The following ASB3 variants were observed in gnomAD, a reference collection of about 807,000 sequenced individuals.
The protein encoded by ASB3 is ankyrin repeat and SOCS box protein 3.
In ASB3, 41 loss-of-function variants were observed where a neutral mutation model predicts 54.5. The ratio of observed to expected loss-of-function variants is 0.75; its 90% CI spans 0.59 to 0.98. The LOEUF is 0.98. Ranked by LOEUF, ASB3 falls within the 50% of genes least tolerant of loss-of-function variation. ASB3 has a pLI of 0.00. For missense variants in ASB3, 733 were observed against 620.0 expected, an observed-to-expected ratio of 1.18 and a Z score of -1.94; for synonymous variants, 266 against 221.2, an observed-to-expected ratio of 1.20 and a Z score of -1.80.
chr2:53,687,919 G>A (rs1049315203), intron 9 of ASB3, among the ~76,000 whole-genome samples: 3 of 152,124 alleles, frequency 2.0e-5, no homozygotes, highest in African/African-American at 2.4e-5. Context: ...GGGCTCAAGC[G>A]ATCCTCCTGC....
chr2:53,758,707 G>T (rs1236195862), intron 2 of ASB3, among the ~76,000 whole-genome samples: 1 of 152,164 alleles, frequency 6.6e-6, no homozygotes, highest in Non-Finnish European at 1.5e-5. Context: ...AGAGGTCCAT[G>T]GGTAGTTGTA....
intron 3 of ASB3, among the ~76,000 whole-genome samples, chr2:53,739,909 A>G (rs938044360): frequency 3.3e-5 from 5 of 152,172 alleles, no homozygotes; most frequent in East Asian, 3.9e-4. Context: ...CATGGGCTCA[A>G]GTGATCCTCC....
rs1293097317 is a variant in ASB3 at position 53,765,408 on chromosome 2, A to G, written c.165T>C (p.Ser55=). The stretch of plus-strand genomic sequence containing the variant: ...TAATTAACATTTGCAAACATTCTAC[A>G]GAGTTGTGATAAGCTGCTTCATGAA... The part of the protein sequence containing the change: ...MPIHEAAYHN[S]VECLQMLINA... The change falls in exon 2 of 10, where the codon TCT becomes TCC. Residue 55 remains serine (S), a synonymous_variant. Coordinates refer to ENST00000263634, the MANE Select transcript of ASB3 (RefSeq NM_016115.5). 1 of 1,614,252 alleles carries G rather than the reference A, an allele frequency of 6.2e-7. No individual in the cohort carries two copies. The highest frequency in any genetic ancestry group is 1.3e-5 in the African/African-American group (1 of 75,068).
Position 53,692,594 on chromosome 2 carries a change from G to C in ASB3, c.1369+1290C>G, listed in dbSNP as rs546205886. Among the ~76,000 whole-genome samples the C allele has an allele frequency of 3.9e-5, 6 of 152,268 alleles. No homozygotes were observed. The East Asian group carries it at 1.2e-3, about 29-fold the overall frequency. On this transcript the variant is annotated intron_variant, in intron 9 of 9. Coordinates refer to ENST00000263634, the MANE Select transcript of ASB3 (RefSeq NM_016115.5). ...ATTTAGTCTACTGCAGGGTAATGCA[G>C]TACTCAAGCACAATTTTTACCTTCA... is the stretch of plus-strand genomic sequence containing the variant.
intron 8 of ASB3, among the ~76,000 whole-genome samples, chr2:53,699,562 T>C (rs1423805470): frequency 6.6e-6 from 1 of 152,246 alleles, no homozygotes; most frequent in Non-Finnish European, 1.5e-5. Context: ...GACTTCTAGA[T>C]ATTTTATTGA....
intron 1 of ASB3, among the ~76,000 whole-genome samples, chr2:53,778,257 A>G (rs1402165910): frequency 6.6e-6 from 1 of 152,092 alleles, no homozygotes; most frequent in African/African-American, 2.4e-5. Flanking sequence ...CTGAAGCCCA[A>G]TGTAAACAGT....
At chr2:53,755,382 G>C (rs1672758139) in intron 2 of ASB3, among the ~76,000 whole-genome samples, 1 of 152,192 alleles carries the variant, frequency 6.6e-6, no homozygotes, top group South Asian at 2.1e-4. Context: ...AGTAATGGGT[G>C]ATAGACCGTT....
intron 9 of ASB3, among the ~76,000 whole-genome samples, chr2:53,674,213 T>C (rs928660154): frequency 5.3e-5 from 8 of 152,190 alleles, no homozygotes; most frequent in Non-Finnish European, 7.4e-5. Flanking sequence ...TACATCTCCA[T>C]GTTCTTGGAT....
At chr2:53,677,777 A>G (rs1223045970) in intron 9 of ASB3, among the ~76,000 whole-genome samples, 2 of 152,186 alleles carry the variant, frequency 1.3e-5, no homozygotes, top group African/African-American at 4.8e-5. Context: ...AAAAAAAATC[A>G]CAGGGTTTGC....
chr2:53,759,346 T>G (rs1673011611), intron 2 of ASB3, among the ~76,000 whole-genome samples: 1 of 152,180 alleles, frequency 6.6e-6, no homozygotes, highest in Non-Finnish European at 1.5e-5. Context: ...CCTACCGCCT[T>G]TCTGGAGACA....
At chr2:53,677,733 T>C (rs950598028) in intron 9 of ASB3, among the ~76,000 whole-genome samples, 4 of 152,152 alleles carry the variant, frequency 2.6e-5, no homozygotes, top group African/African-American at 7.2e-5. Context: ...TAAAAAATAA[T>C]GCACTGGGCA....
chr2:53,725,625 A>G (rs1378209251), intron 5 of ASB3, among the ~76,000 whole-genome samples: 2 of 152,228 alleles, frequency 1.3e-5, no homozygotes, highest in African/African-American at 2.4e-5. Flanking sequence ...TTGTTACATG[A>G]CCATGAGAGT....
At chr2:53,765,829 T>C (rs1673415402) in intron 1 of ASB3, among the ~76,000 whole-genome samples, 1 of 152,168 alleles carries the variant, frequency 6.6e-6, no homozygotes, top group African/African-American at 2.4e-5. Flanking sequence ...CTTTTAAGTG[T>C]TCTATCTTTC....
intron 3 of ASB3, chr2:53,748,280 C>T (rs1285875782): frequency 6.6e-6 from 1 of 152,206 alleles, no homozygotes; most frequent in Admixed American, 6.5e-5. Context: ...TGTAAAATCA[C>T]CTTTTTTACT....
At position 53,692,910 on chromosome 2, in the gene ASB3, A is replaced by T. The variant is rs113798704; in HGVS notation, c.1369+974T>A. On this transcript the variant is annotated intron_variant, in intron 9 of 9. Transcript: ENST00000263634. ...TATACTAGAAGGCTGAAAGACTCCA[A>T]ATCAATTCTTTTTCTTTAACAGAAA... Among the ~76,000 whole-genome samples the T allele has an allele frequency of 2.0e-3, 311 of 152,312 alleles. 1 individual carries two copies. Among genetic ancestry groups the T allele is most frequent in the Admixed American group, 5.3e-3 (81 of 15,296 alleles).
intron 9 of ASB3, among the ~76,000 whole-genome samples, chr2:53,680,612 G>A (rs183747154): frequency 6.6e-6 from 1 of 152,052 alleles, no homozygotes; most frequent in Non-Finnish European, 1.5e-5. Context: ...CATAGTAGGT[G>A]TATATATTTA....
At chr2:53,712,132 G>C (rs1670133411) in intron 7 of ASB3, among the ~76,000 whole-genome samples, 1 of 150,250 alleles carries the variant, frequency 6.7e-6, no homozygotes, top group South Asian at 2.1e-4. Flanking sequence ...TCAAGAATGA[G>C]ATAATAGCTC....
chr2:53,769,678 G>A (rs1249873548), intron 1 of ASB3, among the ~76,000 whole-genome samples: 1 of 151,276 alleles, frequency 6.6e-6, no homozygotes, highest in East Asian at 1.9e-4. Flanking sequence ...GAAACCCCCT[G>A]TCTACTAAAA....
intron 1 of ASB3, among the ~76,000 whole-genome samples, chr2:53,777,092 T>C (rs867980188): frequency 6.6e-6 from 1 of 152,200 alleles, no homozygotes. Flanking sequence ...TGAGCCTCCT[T>C]CTCTTTATAA....
Sources: gnomAD v4.1 joint callset for allele counts (sites outside exome capture counted in the v4.1 genomes callset) on GRCh38, gnomAD v4.1.1 for gene constraint, MANE v1.5 for transcripts, NCBI Gene and HGNC (gene_info 2026-07-23, HGNC 2026-07-21) for gene names.